TMEM200A: variants seen among roughly 807,000 people sequenced by gnomAD.
TMEM200A encodes two transmembrane C.
A neutral mutation model predicts 24.3 loss-of-function variants in TMEM200A; 12 were observed. The observed-to-expected ratio is 0.49, with a 90% CI of 0.32 to 0.80. The LOEUF (loss-of-function observed/expected upper bound fraction) is 0.80. TMEM200A is among the 30% of genes least tolerant of loss of function. The pLI, the probability that TMEM200A is intolerant of heterozygous loss-of-function variation, is 0.04. For synonymous variants in TMEM200A, 224 were observed against 224.4 expected, an observed-to-expected ratio of 1.00 and a Z score of 0.02; for missense variants, 545 against 614.4, an observed-to-expected ratio of 0.89 and a Z score of 1.19.
At chr6:130,393,960 G>A (rs1778893566) in intron 2 of TMEM200A, among the ~76,000 whole-genome samples, 1 of 152,138 alleles carries the variant, frequency 6.6e-6, no homozygotes, top group Non-Finnish European at 1.5e-5. Flanking sequence ...TGATCCTACA[G>A]ATTGAATATC....
chr6:130,415,283 G>A (rs1190934974), intron 2 of TMEM200A, among the ~76,000 whole-genome samples: 1 of 152,166 alleles, frequency 6.6e-6, no homozygotes, highest in Non-Finnish European at 1.5e-5. Flanking sequence ...TTCCTAGTGA[G>A]CACATAATAA....
chr6:130,422,689 T>C (rs931478029), intron 2 of TMEM200A, among the ~76,000 whole-genome samples: 6 of 152,202 alleles, frequency 3.9e-5, no homozygotes, highest in Non-Finnish European at 5.9e-5. Context: ...TGTTACGGAC[T>C]GCAAATTCCA....
Position 130,366,176 on chromosome 6 carries a change from G to T in TMEM200A, c.-429G>T, listed in dbSNP as rs958799762. On this transcript the variant is annotated 5_prime_UTR_variant, in exon 1 of 3. Coordinates refer to ENST00000296978, the MANE Select transcript of TMEM200A (RefSeq NM_001258277.2). The surrounding 1 kb of genome is among the most constrained non-coding windows in gnomAD (Gnocchi z 4.4). ...GCAGGCGCGCCTGGACTCTGCGCCC[G>T]GATGGCGGCGGCCCTCTGTGAGCAC... is the stretch of plus-strand genomic sequence containing the variant. 83 of 984,934 alleles carry T rather than the reference G, an allele frequency of 8.4e-5. No homozygotes were observed. Among genetic ancestry groups the T allele is most frequent in the Non-Finnish European group, 9.6e-5 (80 of 829,754 alleles). 61.0% of individuals were successfully genotyped at this position (984,934 alleles called of 1,614,324 possible).
At chr6:130,378,162 G>A (rs1286356664) in intron 1 of TMEM200A, among the ~76,000 whole-genome samples, 2 of 152,120 alleles carry the variant, frequency 1.3e-5, no homozygotes, top group Admixed American at 1.3e-4. Context: ...ACTTTACTCT[G>A]AGTTGTATGG....
intron 1 of TMEM200A, among the ~76,000 whole-genome samples, chr6:130,373,604 A>C (rs1170996381): frequency 2.0e-5 from 3 of 152,194 alleles, no homozygotes; most frequent in African/African-American, 7.2e-5. Context: ...GGCCATTTCC[A>C]AATATTTGAT....
chr6:130,377,980 A>G (rs1393032614), intron 1 of TMEM200A, among the ~76,000 whole-genome samples: 1 of 152,146 alleles, frequency 6.6e-6, no homozygotes, highest in African/African-American at 2.4e-5. Flanking sequence ...TCATTAGTAT[A>G]TCCTGTGAAG....
intron 2 of TMEM200A, among the ~76,000 whole-genome samples, chr6:130,414,651 A>G (rs1038292509): frequency 2.0e-5 from 3 of 152,190 alleles, no homozygotes; most frequent in African/African-American, 7.2e-5. Context: ...ACAAGAATAT[A>G]TGCATGGTCT....
chr6:130,374,679 C>T (rs1318122027), intron 1 of TMEM200A, among the ~76,000 whole-genome samples: 2 of 152,126 alleles, frequency 1.3e-5, no homozygotes, highest in African/African-American at 4.8e-5. Flanking sequence ...CCACCTCAGC[C>T]TCCCAAAGTA....
At chr6:130,431,283 C>A (rs10155668) in intron 2 of TMEM200A, among the ~76,000 whole-genome samples, 37,566 of 152,036 alleles carry the variant, frequency 0.25, 6,004 homozygotes, top group African/African-American at 0.46. Context: ...AAAAACATAG[C>A]CACTATCTTG....
At chr6:130,430,386 T>C (rs1432723589) in intron 2 of TMEM200A, among the ~76,000 whole-genome samples, 2 of 152,152 alleles carry the variant, frequency 1.3e-5, no homozygotes, top group Non-Finnish European at 2.9e-5. Context: ...ATATTCAGCC[T>C]ATAGCAAGTA....
chr6:130,380,230 T>C (rs1778562815), intron 1 of TMEM200A, among the ~76,000 whole-genome samples: 1 of 152,208 alleles, frequency 6.6e-6, no homozygotes, highest in Non-Finnish European at 1.5e-5. Flanking sequence ...AAAATAGTGA[T>C]AGAATAGTGC....
intron 2 of TMEM200A, among the ~76,000 whole-genome samples, chr6:130,435,535 C>T (rs1460723351): frequency 6.6e-6 from 1 of 152,146 alleles, no homozygotes. Context: ...ACAATGTGTA[C>T]CTAGAAAGAG....
intron 1 of TMEM200A, among the ~76,000 whole-genome samples, chr6:130,369,256 A>G (rs1238140886): frequency 6.6e-6 from 1 of 152,202 alleles, no homozygotes; most frequent in Non-Finnish European, 1.5e-5. Context: ...CTCGGAAGTA[A>G]TTAGAGCAGA....
At chr6:130,398,368 C>T (rs966160570) in intron 2 of TMEM200A, among the ~76,000 whole-genome samples, 2 of 151,978 alleles carry the variant, frequency 1.3e-5, no homozygotes, top group Admixed American at 1.3e-4. Flanking sequence ...CAGTCTACCA[C>T]TGATGGGCAA....
intron 1 of TMEM200A, chr6:130,382,088 T>C (rs1309035341): frequency 6.4e-6 from 3 of 468,178 alleles, no homozygotes; most frequent in African/African-American, 4.2e-5. Flanking sequence ...TTGCCAAGGA[T>C]AATTTGAAAA....
At chr6:130,418,821 A>G (rs1779515095) in intron 2 of TMEM200A, among the ~76,000 whole-genome samples, 1 of 152,072 alleles carries the variant, frequency 6.6e-6, no homozygotes, top group South Asian at 2.1e-4. Flanking sequence ...TCTGGGGTAC[A>G]TGTGATATTT....
intron 2 of TMEM200A, among the ~76,000 whole-genome samples, chr6:130,424,219 C>T (rs12215156): frequency 0.12 from 18,538 of 152,048 alleles, 1,466 homozygotes; most frequent in East Asian, 0.35. Flanking sequence ...TTAAGCTAAA[C>T]GGATCTGAAT....
chr6:130,374,572 C>T (rs543027934), intron 1 of TMEM200A, among the ~76,000 whole-genome samples: 3 of 152,060 alleles, frequency 2.0e-5, no homozygotes, highest in Non-Finnish European at 2.9e-5. Flanking sequence ...CACACCACCA[C>T]GCCAGGCTAA....
intron 1 of TMEM200A, among the ~76,000 whole-genome samples, chr6:130,368,167 T>A (rs2039444292): frequency 6.6e-6 from 1 of 152,224 alleles, no homozygotes; most frequent in Non-Finnish European, 1.5e-5. Context: ...TTGTTATATT[T>A]GGACTTGTGT....
Sources: gnomAD v4.1 joint callset for allele counts (sites outside exome capture counted in the v4.1 genomes callset) on GRCh38, gnomAD v4.1.1 for gene constraint, Gnocchi (gnomAD v3.1) non-coding constraint, MANE v1.5 for transcripts, NCBI Gene and HGNC (gene_info 2026-07-23, HGNC 2026-07-21) for gene names.